The following ATP8A2 variants were observed in gnomAD, a reference collection of about 807,000 sequenced individuals.
ATP8A2 encodes phospholipid-transporting ATPase IB.
ATP8A2 carries 100 observed loss-of-function variants against 165.6 expected under a neutral mutation model. The observed-to-expected ratio is 0.60, with a 90% CI of 0.51 to 0.71. The LOEUF (loss-of-function observed/expected upper bound fraction) is 0.71, where lower values mean the gene tolerates loss of function less well. ATP8A2 is among the 30% of genes least tolerant of loss of function. ATP8A2 has a pLI of 0.00. For synonymous variants in ATP8A2, 543 were observed against 548.8 expected (o/e 0.99, Z 0.15); for missense variants, 1,227 against 1,479.5 (o/e 0.83, Z 2.80).
At chr13:25,924,637 T>C (rs1180779427) in intron 33 of ATP8A2, among the ~76,000 whole-genome samples, 1 of 42,706 alleles carries the variant, frequency 2.3e-5, no homozygotes, top group African/African-American at 7.0e-5. Context: ...GCTTCAACAT[T>C]TGATTGGGGG....
chr13:25,409,623 G>A (rs1218195240), intron 1 of ATP8A2, among the ~76,000 whole-genome samples: 1 of 152,140 alleles, frequency 6.6e-6, no homozygotes, highest in Admixed American at 6.6e-5. Flanking sequence ...GATAACTAGG[G>A]AAAATATTGA....
At chr13:25,565,643 G>A (rs962623798) in intron 16 of ATP8A2, among the ~76,000 whole-genome samples, 1 of 152,162 alleles carries the variant, frequency 6.6e-6, no homozygotes, top group Non-Finnish European at 1.5e-5. Context: ...TTTGTCAGAT[G>A]CATAGATTGT....
chr13:26,012,526 C>T lies in ATP8A2; in HGVS notation c.3378-5C>T. The T allele has an allele frequency of 1.3e-6, 2 of 1,538,978 alleles. No individual in the cohort carries two copies. The highest frequency in any genetic ancestry group is 1.8e-6 in the Non-Finnish European group (2 of 1,141,414). The stretch of plus-strand genomic sequence containing the variant: ...AAGAGACTGACGCGCTTGCTTTATC[C>T]GCAGGCTGAACGAGCGCGACCGCCT... On this transcript the variant is annotated splice_region_variant and splice_polypyrimidine_tract_variant and intron_variant, in intron 35 of 36. Coordinates refer to ENST00000381655, the MANE Select transcript of ATP8A2 (RefSeq NM_016529.6).
At chr13:25,943,335 T>G (rs1955123594) in intron 33 of ATP8A2, among the ~76,000 whole-genome samples, 1 of 152,176 alleles carries the variant, frequency 6.6e-6, no homozygotes, top group Admixed American at 6.5e-5. Flanking sequence ...GTAACAACGT[T>G]TCAGTCAACA....
chr13:25,651,320 G>C (rs1031090679), intron 24 of ATP8A2, among the ~76,000 whole-genome samples: 1 of 152,042 alleles, frequency 6.6e-6, no homozygotes, highest in Non-Finnish European at 1.5e-5. Context: ...GCGTATGCTT[G>C]TAGTCCCAGC....
chr13:25,735,836 T>C (rs999927064), intron 25 of ATP8A2, among the ~76,000 whole-genome samples: 1 of 152,298 alleles, frequency 6.6e-6, no homozygotes, highest in South Asian at 2.1e-4. Flanking sequence ...CCTAAGTGTA[T>C]AGTATTTATA....
chr13:25,394,266 G>A (rs150248230), intron 1 of ATP8A2, among the ~76,000 whole-genome samples: 38 of 152,354 alleles, frequency 2.5e-4, no homozygotes, highest in Middle Eastern at 3.4e-3. Flanking sequence ...GAGTCTAGTG[G>A]AAGGAGAGCT....
intron 24 of ATP8A2, among the ~76,000 whole-genome samples, chr13:25,639,524 A>G (rs1316757952): frequency 2.0e-5 from 3 of 152,204 alleles, no homozygotes; most frequent in Non-Finnish European, 4.4e-5. Context: ...GCATAATGGC[A>G]AAGGGATCAA....
chr13:25,443,480 G>A (rs752342025), intron 1 of ATP8A2, among the ~76,000 whole-genome samples: 15 of 152,222 alleles, frequency 9.9e-5, no homozygotes, highest in Non-Finnish European at 1.9e-4. Flanking sequence ...TGCAAGGTGA[G>A]ACAACTGCTG....
At chr13:25,834,546 C>T (rs1047247380) in intron 28 of ATP8A2, among the ~76,000 whole-genome samples, 7 of 152,176 alleles carry the variant, frequency 4.6e-5, no homozygotes, top group Non-Finnish European at 8.8e-5. Context: ...CACATCCATA[C>T]TATGAATTAT....
chr13:25,577,387 T>C (rs945217298), intron 20 of ATP8A2, among the ~76,000 whole-genome samples: 1 of 152,218 alleles, frequency 6.6e-6, no homozygotes, highest in African/African-American at 2.4e-5. Context: ...TGACTCCACG[T>C]GTCATGCAAA....
chr13:25,547,913 A>T (rs1467625648), intron 10 of ATP8A2, among the ~76,000 whole-genome samples: 3 of 152,170 alleles, frequency 2.0e-5, no homozygotes, highest in African/African-American at 7.2e-5. Flanking sequence ...TAATACTTGT[A>T]GGAATTTAAC....
At chr13:25,472,964 C>T (rs564499469) in intron 2 of ATP8A2, among the ~76,000 whole-genome samples, 4 of 152,256 alleles carry the variant, frequency 2.6e-5, no homozygotes, top group South Asian at 2.1e-4. Context: ...GGGAGGGCAG[C>T]GAGGGGCGGC....
At chr13:25,694,406 C>G in intron 24 of ATP8A2, among the ~76,000 whole-genome samples, 1 of 152,158 alleles carries the variant, frequency 6.6e-6, no homozygotes, top group East Asian at 1.9e-4. Context: ...ATCTGTGTAC[C>G]TTGTCTCATC....
chr13:25,563,195 A>T (rs1316282187), intron 15 of ATP8A2, among the ~76,000 whole-genome samples: 1 of 152,202 alleles, frequency 6.6e-6, no homozygotes, highest in Non-Finnish European at 1.5e-5. Context: ...GGATCACCTG[A>T]GGTCAGGAGT....
intron 25 of ATP8A2, among the ~76,000 whole-genome samples, chr13:25,768,276 T>TA: frequency 6.6e-6 from 1 of 152,320 alleles, no homozygotes; most frequent in African/African-American, 2.4e-5. Context: ...CCCTCTGCTT[T>TA]AGACCCCACA....
chr13:25,502,341 C>A (rs996774173), intron 2 of ATP8A2, among the ~76,000 whole-genome samples: 5 of 152,194 alleles, frequency 3.3e-5, no homozygotes, highest in African/African-American at 4.8e-5. Context: ...TCAGATAAAT[C>A]CTCATTGAGC....
intron 10 of ATP8A2, among the ~76,000 whole-genome samples, chr13:25,550,463 T>G (rs1254364978): frequency 6.6e-6 from 1 of 152,168 alleles, no homozygotes; most frequent in Non-Finnish European, 1.5e-5. Flanking sequence ...CTCAAACAGT[T>G]GTGTTGACTT....
At chr13:25,713,544 T>C (rs1222973456) in intron 25 of ATP8A2, among the ~76,000 whole-genome samples, 1 of 152,106 alleles carries the variant, frequency 6.6e-6, no homozygotes, top group Non-Finnish European at 1.5e-5. Flanking sequence ...CAGTCAGGAG[T>C]CTAGAAAAGT....
Sources: allele counts gnomAD v4.1 joint callset (sites outside exome capture counted in the v4.1 genomes callset), GRCh38; gene constraint gnomAD v4.1.1; transcripts MANE v1.5; gene names NCBI Gene and HGNC (gene_info 2026-07-23, HGNC 2026-07-21).